RMST: variants seen among roughly 807,000 people sequenced by gnomAD.
The protein encoded by RMST is rhabdomyosarcoma 2 associated transcript.
At chr12:97,469,683 T>C (rs1325840132) in intron 5 of RMST, among the ~76,000 whole-genome samples, 3 of 152,114 alleles carry the variant, frequency 2.0e-5, no homozygotes, top group Non-Finnish European at 2.9e-5. Context: ...TTAATTTTTC[T>C]TGTTATTCAA....
intron 11 of RMST, among the ~76,000 whole-genome samples, chr12:97,532,162 A>G (rs1881685376): frequency 1.3e-5 from 2 of 151,952 alleles, no homozygotes; most frequent in South Asian, 4.1e-4. Context: ...GGAGATTTAA[A>G]TCATTATTTT....
chr12:97,564,782 GAAAGA>G (rs909654968), exon 14 of RMST: 1 of 152,084 alleles, frequency 6.6e-6, no homozygotes, highest in African/African-American at 2.4e-5. Context: ...GCACCTTTGA[GAAAGA>G]AAAGACTGCT....
chr12:97,514,178 G>T (rs1400589349), intron 10 of RMST, among the ~76,000 whole-genome samples: 2 of 152,182 alleles, frequency 1.3e-5, no homozygotes, highest in Non-Finnish European at 2.9e-5. Context: ...CTATGACTCT[G>T]AAACACCATT....
intron 5 of RMST, among the ~76,000 whole-genome samples, chr12:97,481,686 T>C (rs925121193): frequency 1.3e-5 from 2 of 152,222 alleles, no homozygotes; most frequent in Non-Finnish European, 2.9e-5. Flanking sequence ...TTGCAGCATC[T>C]TTGGCAGTAG....
intron 10 of RMST, among the ~76,000 whole-genome samples, chr12:97,500,026 A>C (rs1877911576): frequency 6.6e-6 from 1 of 152,118 alleles, no homozygotes; most frequent in Admixed American, 6.5e-5. Flanking sequence ...GCATGAAGAG[A>C]CACATCATGT....
At chr12:97,500,101 A>G (rs1877923368) in intron 10 of RMST, among the ~76,000 whole-genome samples, 1 of 152,210 alleles carries the variant, frequency 6.6e-6, no homozygotes, top group Non-Finnish European at 1.5e-5. Context: ...ATTACCTGAA[A>G]GAACTATTCT....
At chr12:97,556,219 A>T (rs1883695975) in intron 11 of RMST, among the ~76,000 whole-genome samples, 1 of 152,168 alleles carries the variant, frequency 6.6e-6, no homozygotes, top group African/African-American at 2.4e-5. Flanking sequence ...AAACTTTTTC[A>T]ACTTAACCAA....
At chr12:97,513,025 G>A (rs763384613) in intron 10 of RMST, among the ~76,000 whole-genome samples, 1 of 152,338 alleles carries the variant, frequency 6.6e-6, no homozygotes, top group Admixed American at 6.5e-5. Flanking sequence ...CCGGCCGGCC[G>A]CTCCAACTGC....
chr12:97,560,336 C>T (rs1358759256), intron 11 of RMST, among the ~76,000 whole-genome samples: 2 of 152,140 alleles, frequency 1.3e-5, no homozygotes, highest in Non-Finnish European at 2.9e-5. Context: ...CGAATTACCG[C>T]CTAGCAGATT....
intron 10 of RMST, among the ~76,000 whole-genome samples, chr12:97,515,809 T>A (rs1323363310): frequency 6.6e-6 from 1 of 152,090 alleles, no homozygotes; most frequent in African/African-American, 2.4e-5. Flanking sequence ...TTTAAATAGC[T>A]TCTGAAAATA....
At chr12:97,556,597 T>C (rs968397751) in intron 11 of RMST, among the ~76,000 whole-genome samples, 5 of 152,192 alleles carry the variant, frequency 3.3e-5, no homozygotes, top group African/African-American at 1.2e-4. Flanking sequence ...CCAAATTCAA[T>C]AGCATTCTCT....
intron 10 of RMST, among the ~76,000 whole-genome samples, chr12:97,524,753 AAAGT>A (rs1160201127): frequency 2.0e-4 from 30 of 152,202 alleles, no homozygotes. Context: ...GAACTTTTTA[AAAGT>A]AAGACAGACT....
chr12:97,523,020 G>A (rs546701346), intron 10 of RMST, among the ~76,000 whole-genome samples: 1 of 152,288 alleles, frequency 6.6e-6, no homozygotes, highest in African/African-American at 2.4e-5. Context: ...TTCCAGAATT[G>A]TTTGAAGCTA....
intron 11 of RMST, among the ~76,000 whole-genome samples, chr12:97,552,607 T>C (rs1225984391): frequency 6.6e-6 from 1 of 152,166 alleles, no homozygotes; most frequent in Non-Finnish European, 1.5e-5. Context: ...CACTGAGGAA[T>C]TTGCACTCCA....
At chr12:97,524,075 CAAAAAAAAAAAA>C (rs537840796) in intron 10 of RMST, among the ~76,000 whole-genome samples, 5 of 56,128 alleles carry the variant, frequency 8.9e-5, no homozygotes, top group African/African-American at 3.1e-4. Flanking sequence ...GACTCTGTCT[CAAAAAAAAAAAA>C]AAAAAAAAAA....
At chr12:97,471,290 G>A (rs149842633) in intron 5 of RMST, among the ~76,000 whole-genome samples, 4 of 152,190 alleles carry the variant, frequency 2.6e-5, no homozygotes, top group Admixed American at 2.0e-4. Context: ...CCTGGGTGAA[G>A]CAAGCTAGAA....
At chr12:97,555,210 T>C (rs1270256555) in intron 11 of RMST, among the ~76,000 whole-genome samples, 1 of 152,196 alleles carries the variant, frequency 6.6e-6, no homozygotes, top group African/African-American at 2.4e-5. Flanking sequence ...AAGAAAAATA[T>C]TTTTTCTTTG....
intron 5 of RMST, among the ~76,000 whole-genome samples, chr12:97,478,037 C>T (rs1874773354): frequency 6.6e-6 from 1 of 152,150 alleles, no homozygotes; most frequent in South Asian, 2.1e-4. Flanking sequence ...TATTTGTCTC[C>T]AGAAATTGTC....
intron 5 of RMST, among the ~76,000 whole-genome samples, chr12:97,481,002 T>G (rs1875208378): frequency 1.3e-5 from 2 of 152,222 alleles, no homozygotes. Context: ...TACAGTTCAT[T>G]GATAGCTGTT....
Sources: allele counts gnomAD v4.1 joint callset (sites outside exome capture counted in the v4.1 genomes callset), GRCh38; gene constraint gnomAD v4.1.1; transcripts MANE v1.5; gene names NCBI Gene and HGNC (gene_info 2026-07-23, HGNC 2026-07-21).